XKR6: variants seen among roughly 807,000 people sequenced by gnomAD.
The protein encoded by XKR6 is XK related 6, also known as XK-related protein 6.
XKR6 carries 22 observed loss-of-function variants against 56.7 expected under a neutral mutation model. The observed-to-expected ratio is 0.39, with a 90% CI of 0.28 to 0.55. XKR6 has a LOEUF of 0.55. Among genes scored for constraint, XKR6 ranks in the 20% least tolerant of loss-of-function variants. XKR6 has a pLI of 0.66. For synonymous variants in XKR6, 524 were observed against 387.8 expected (o/e 1.35, Z -4.13); for missense variants, 852 against 889.0 (o/e 0.96, Z 0.53).
At chr8:11,003,032 A>G (rs976668783) in intron 1 of XKR6, among the ~76,000 whole-genome samples, 3 of 152,138 alleles carry the variant, frequency 2.0e-5, no homozygotes, top group African/African-American at 7.2e-5. Flanking sequence ...AACAATTCCA[A>G]GTCAGGGACA....
Position 11,084,646 on chromosome 8 carries a change from T to C in XKR6, c.764+115930A>G, listed in dbSNP as rs555613247. Reference sequence around the variant, plus strand: ...TGGTGCATTTCTTATTCAGTCCAAGTCTGTTTGAGATAAGTTACCAGACTT... The same window carrying C: ...TGGTGCATTTCTTATTCAGTCCAAGCCTGTTTGAGATAAGTTACCAGACTT... On this transcript the variant is annotated intron_variant, in intron 1 of 2. Transcript: ENST00000416569. Among the ~76,000 whole-genome samples the C allele has an allele frequency of 3.3e-5, 5 of 152,284 alleles. No homozygotes were observed. The South Asian group carries it at 1.0e-3, about 32-fold the overall frequency.
rs535478544 is a variant in XKR6 at position 11,132,962 on chromosome 8, A to C, written c.764+67614T>G. On this transcript the variant is annotated intron_variant, in intron 1 of 2. Coordinates refer to ENST00000416569, the MANE Select transcript of XKR6 (RefSeq NM_173683.4). Reference sequence around the variant, plus strand: ...TAAAAAGATACAAGTAAAAAAGAAGAGTTAAAAATAAATTTACACATTTTT... The same window carrying C: ...TAAAAAGATACAAGTAAAAAAGAAGCGTTAAAAATAAATTTACACATTTTT... Among the ~76,000 whole-genome samples the C allele has an allele frequency of 7.3e-4, 111 of 152,240 alleles. 1 individual carries two copies. In the South Asian group the frequency reaches 0.022, roughly 31 times the overall value.
rs191838875 is a variant in XKR6, at chr8:10,973,030, C to T, written c.765-48200G>A. On this transcript the variant is annotated intron_variant, in intron 1 of 2. Transcript: ENST00000416569. ...AGTTTGCCCATTCAGTAGGACTTTGCTGTTTCTGGTTTCTTGATAGACGAG... is the reference window on the plus strand; with the variant it reads ...AGTTTGCCCATTCAGTAGGACTTTGTTGTTTCTGGTTTCTTGATAGACGAG... Among the ~76,000 whole-genome samples the T allele has an allele frequency of 3.8e-3, 574 of 152,242 alleles. 5 individuals are homozygous for T. Among genetic ancestry groups the T allele is most frequent in the African/African-American group, 0.011 (470 of 41,544 alleles).
intron 1 of XKR6, among the ~76,000 whole-genome samples, chr8:11,142,150 G>C (rs577088255): frequency 1.3e-5 from 2 of 152,154 alleles, no homozygotes; most frequent in East Asian, 1.9e-4. Flanking sequence ...CTCTCTACTG[G>C]GAAGGCACAG....
intron 1 of XKR6, among the ~76,000 whole-genome samples, chr8:11,091,627 G>C (rs1228020916): frequency 6.6e-6 from 1 of 152,112 alleles, no homozygotes; most frequent in Non-Finnish European, 1.5e-5. Context: ...GTGGGAGTTG[G>C]TTTTACATGT....
intron 1 of XKR6, chr8:11,123,659 A>G: frequency 2.9e-6 from 1 of 340,256 alleles, no homozygotes; most frequent in Non-Finnish European, 5.8e-6. Context: ...AAATACTCAA[A>G]TATATCTTTA....
chr8:11,081,698 C>G lies in XKR6; in HGVS notation c.764+118878G>C, dbSNP rs140647545. Among the ~76,000 whole-genome samples the G allele has an allele frequency of 2.4e-3, 362 of 152,172 alleles. 1 individual carries two copies. Among genetic ancestry groups the G allele is most frequent in the African/African-American group, 8.5e-3 (354 of 41,508 alleles). On this transcript the variant is annotated intron_variant, in intron 1 of 2. Transcript: ENST00000416569. The stretch of plus-strand genomic sequence containing the variant: ...TCAAGTTGAAAGGGAAACTTACAAC[C>G]AAAGGAGATGTAAACAAGAATAGTC...
chr8:10,986,254 C>G (rs894688511), intron 1 of XKR6, among the ~76,000 whole-genome samples: 3 of 152,158 alleles, frequency 2.0e-5, no homozygotes, highest in Non-Finnish European at 4.4e-5. Context: ...ATACCAACTT[C>G]ACAACGTATG....
chr8:11,181,568 T>G (rs928246755), intron 1 of XKR6, among the ~76,000 whole-genome samples: 1 of 152,186 alleles, frequency 6.6e-6, no homozygotes, highest in Non-Finnish European at 1.5e-5. Flanking sequence ...TATTAATATT[T>G]TGAACACATA....
chr8:11,100,666 C>T (rs749863367), intron 1 of XKR6, among the ~76,000 whole-genome samples: 1 of 152,204 alleles, frequency 6.6e-6, no homozygotes, highest in Non-Finnish European at 1.5e-5. Flanking sequence ...AGAAACACAA[C>T]AGAATTTTGC....
intron 1 of XKR6, among the ~76,000 whole-genome samples, chr8:11,004,632 G>T (rs1798324447): frequency 6.6e-6 from 1 of 152,130 alleles, no homozygotes; most frequent in Admixed American, 6.5e-5. Flanking sequence ...CATCCACAGT[G>T]GAACCCTCTG....
At chr8:11,005,842 CTTT>C (rs56880407) in intron 1 of XKR6, among the ~76,000 whole-genome samples, 1 of 121,348 alleles carries the variant, frequency 8.2e-6, no homozygotes, top group African/African-American at 3.1e-5. Flanking sequence ...TTCTTTCTTT[CTTT>C]TTTTTTTTTT....
chr8:10,981,824 T>A (rs1380166880), intron 1 of XKR6, among the ~76,000 whole-genome samples: 2 of 152,246 alleles, frequency 1.3e-5, no homozygotes, highest in Non-Finnish European at 2.9e-5. Flanking sequence ...TGCCACCATT[T>A]TGTGGTTAAG....
intron 1 of XKR6, among the ~76,000 whole-genome samples, chr8:11,101,214 G>C (rs58512247): frequency 1.3e-5 from 2 of 152,114 alleles, no homozygotes; most frequent in African/African-American, 2.4e-5. Flanking sequence ...AATTATACAC[G>C]AGAGTCATTG....
chr8:11,032,512 C>A (rs1252766049), intron 1 of XKR6, among the ~76,000 whole-genome samples: 1 of 152,102 alleles, frequency 6.6e-6, no homozygotes, highest in Non-Finnish European at 1.5e-5. Context: ...AAAATAAAAT[C>A]TTTGTTTTGT....
In XKR6 at chr8:11,026,104, G is replaced by A. The variant is rs151214589; in HGVS notation, c.765-101274C>T. ...GTTAGGCGATTTCATCATTGTACGA[G>A]CATCACAGAGTGAGTTACACATGCC... On this transcript the variant is annotated intron_variant, in intron 1 of 2. Transcript: ENST00000416569. Among the ~76,000 whole-genome samples the A allele has an allele frequency of 3.4e-3, 524 of 152,266 alleles. 3 individuals carry two copies. The highest frequency in any genetic ancestry group is 5.1e-3 in the Non-Finnish European group (347 of 68,006).
At position 10,924,679 on chromosome 8, in the gene XKR6, G is replaced by A. The variant is rs752025761; in HGVS notation, c.916C>T (p.Gln306Ter). ...TTCTTCTGGAGCATGATGTAGAGCT[G>A]TAGCACCAGTTGGGGCGCGCTCTCC... The part of the protein sequence containing the change: ...FLESAPQLVL[Q>*]LYIMLQKNSA... Residue 306 changes from glutamine to a stop codon, truncating the protein, a stop_gained, in exon 2 of 3, where the codon CAG becomes TAG. Transcript: ENST00000416569. LOFTEE classifies it high-confidence loss of function. 1 of 1,613,088 alleles carries A rather than the reference G, an allele frequency of 6.2e-7. No individual in the cohort carries two copies. The highest frequency in any genetic ancestry group is 8.5e-7 in the Non-Finnish European group (1 of 1,179,916).
At position 10,923,012 on chromosome 8, in the gene XKR6, G is replaced by A. The variant is rs768548664; in HGVS notation, c.961+1622C>T. ...AGAAGCTGGAGCCCCTGGGCCACCT[G>A]GGGCCTCTTCCTGACAGTGAGGACT... On this transcript the variant is annotated intron_variant, in intron 2 of 2. Transcript: ENST00000416569. Among the ~76,000 whole-genome samples, 5 of 152,214 alleles carry A rather than the reference G, an allele frequency of 3.3e-5. No homozygotes were observed. In the South Asian group the frequency reaches 6.2e-4, roughly 19 times the overall value.
At chr8:11,186,054 T>C (rs964749296) in intron 1 of XKR6, among the ~76,000 whole-genome samples, 1 of 152,184 alleles carries the variant, frequency 6.6e-6, no homozygotes, top group African/African-American at 2.4e-5. Flanking sequence ...TTAAAATACT[T>C]CTTTACAGAA....
Sources: allele counts gnomAD v4.1 joint callset (sites outside exome capture counted in the v4.1 genomes callset), GRCh38; gene constraint gnomAD v4.1.1; transcripts MANE v1.5; gene names NCBI Gene and HGNC (gene_info 2026-07-23, HGNC 2026-07-21).